CPNE4: variants seen among roughly 807,000 people sequenced by gnomAD.
The protein encoded by CPNE4 is copine-4.
In CPNE4, 25 loss-of-function variants were observed where a neutral mutation model predicts 67.9. That is an observed-to-expected ratio of 0.37 (90% confidence interval 0.27 to 0.51). CPNE4 has a LOEUF of 0.51. Among genes scored for constraint, CPNE4 ranks in the 20% least tolerant of loss-of-function variants. The probability of loss-of-function intolerance (pLI) is 0.93; values close to 1 mark genes in which losing one functional copy is unlikely to be tolerated. For synonymous variants in CPNE4, 242 were observed against 244.9 expected (o/e 0.99, Z 0.11); for missense variants, 464 against 690.8 (o/e 0.67, Z 3.68).
intron 9 of CPNE4, among the ~76,000 whole-genome samples, chr3:131,577,610 C>A (rs1456384684): frequency 6.6e-6 from 1 of 152,002 alleles, no homozygotes; most frequent in African/African-American, 2.4e-5. Context: ...TAATAAATGG[C>A]ACACCTGTAT....
At chr3:131,842,495 C>G (rs1188668241) in intron 2 of CPNE4, among the ~76,000 whole-genome samples, 1 of 152,114 alleles carries the variant, frequency 6.6e-6, no homozygotes, top group African/African-American at 2.4e-5. Flanking sequence ...AGATAACATA[C>G]TGGAAAGAGG....
intron 3 of CPNE4, among the ~76,000 whole-genome samples, chr3:131,718,291 A>T (rs1303398404): frequency 6.6e-6 from 1 of 152,118 alleles, no homozygotes; most frequent in East Asian, 1.9e-4. Flanking sequence ...GGCCAAAGTG[A>T]TCTTTCTAAT....
intron 3 of CPNE4, among the ~76,000 whole-genome samples, chr3:131,708,101 G>A (rs1293521814): frequency 1.3e-5 from 2 of 150,710 alleles, no homozygotes; most frequent in Non-Finnish European, 3.0e-5. Context: ...AGGGGTCCTG[G>A]CTGTGGAAGG....
chr3:131,913,924 G>C (rs533862327), intron 1 of CPNE4, among the ~76,000 whole-genome samples: 1 of 152,306 alleles, frequency 6.6e-6, no homozygotes, highest in East Asian at 1.9e-4. Context: ...GTCTTCAGAG[G>C]AGTATCTGGG....
At chr3:131,581,763 G>A (rs977814935) in intron 8 of CPNE4, 98 bp from the exon 9 acceptor site, 3 of 816,858 alleles carry the variant, frequency 3.7e-6, no homozygotes, top group Non-Finnish European at 4.3e-6. Context: ...AACTGAACTG[G>A]AGGGCTGACA....
At position 131,962,844 on chromosome 3, in the gene CPNE4, C is replaced by T. The variant is rs142493406; in HGVS notation, c.-1-57400G>A. Among the ~76,000 whole-genome samples, 1,218 of 152,190 alleles carry T rather than the reference C, an allele frequency of 8.0e-3. 16 individuals carry two copies. The highest frequency in any genetic ancestry group is 0.027 in the African/African-American group (1,131 of 41,514). On this transcript the variant is annotated intron_variant, in intron 1 of 15. Coordinates refer to ENST00000429747, the MANE Select transcript of CPNE4 (RefSeq NM_130808.3). ...AAAAATGTTGTTCTATATTGCCCTACACCCTGCTTAGAATAATAAATATTT... is the reference window on the plus strand; with the variant it reads ...AAAAATGTTGTTCTATATTGCCCTATACCCTGCTTAGAATAATAAATATTT...
intron 2 of CPNE4, among the ~76,000 whole-genome samples, chr3:131,744,054 T>A (rs970881296): frequency 1.5e-5 from 2 of 135,334 alleles, no homozygotes; most frequent in Admixed American, 7.3e-5. Flanking sequence ...TTTAATATTA[T>A]TTGAAAATTT....
At chr3:131,857,186 T>C (rs1308027840) in intron 2 of CPNE4, among the ~76,000 whole-genome samples, 2 of 152,056 alleles carry the variant, frequency 1.3e-5, no homozygotes, top group Non-Finnish European at 2.9e-5. Context: ...TCTGTGCTAA[T>C]ACTAGTGCAA....
At chr3:131,850,679 C>T (rs532299043) in intron 2 of CPNE4, among the ~76,000 whole-genome samples, 2 of 152,244 alleles carry the variant, frequency 1.3e-5, no homozygotes, top group South Asian at 4.1e-4. Flanking sequence ...AGGGACACAA[C>T]ATCTGTAAGG....
intron 3 of CPNE4, among the ~76,000 whole-genome samples, chr3:131,713,374 T>A (rs528663233): frequency 6.6e-6 from 1 of 152,264 alleles, no homozygotes; most frequent in East Asian, 1.9e-4. Flanking sequence ...CTGAACGACA[T>A]CTATGACTTT....
At chr3:131,787,960 TGA>T (rs1352676981) in intron 2 of CPNE4, among the ~76,000 whole-genome samples, 2 of 152,078 alleles carry the variant, frequency 1.3e-5, no homozygotes, top group African/African-American at 4.8e-5. Context: ...GAGTAATTAT[TGA>T]GAGAAAAAGA....
chr3:131,981,991 C>G (rs745739304), intron 1 of CPNE4, among the ~76,000 whole-genome samples: 1 of 152,118 alleles, frequency 6.6e-6, no homozygotes, highest in Admixed American at 6.5e-5. Context: ...CTCTGGGGAT[C>G]GCTGGTTTGT....
chr3:131,745,068 A>G (rs2082455357), intron 2 of CPNE4, among the ~76,000 whole-genome samples: 1 of 152,312 alleles, frequency 6.6e-6, no homozygotes. Context: ...TGAGTGATTC[A>G]GTTTCTCCAA....
intron 10 of CPNE4, among the ~76,000 whole-genome samples, chr3:131,568,691 G>A (rs1386702994): frequency 6.6e-6 from 1 of 152,000 alleles, no homozygotes; most frequent in Non-Finnish European, 1.5e-5. Flanking sequence ...CCCCCTCCAT[G>A]ACACCAAGTC....
intron 7 of CPNE4, among the ~76,000 whole-genome samples, chr3:131,651,868 G>C (rs1230865158): frequency 2.0e-5 from 3 of 151,994 alleles, no homozygotes; most frequent in African/African-American, 4.8e-5. Context: ...TTTCCTCTCT[G>C]GTTCTCAGTT....
At chr3:131,940,243 T>C (rs1026674880) in intron 1 of CPNE4, among the ~76,000 whole-genome samples, 3 of 152,162 alleles carry the variant, frequency 2.0e-5, no homozygotes, top group African/African-American at 7.2e-5. Flanking sequence ...ACATAATGTA[T>C]GAATCTTCTA....
intron 2 of CPNE4, among the ~76,000 whole-genome samples, chr3:131,850,685 T>C (rs547408219): frequency 2.0e-5 from 3 of 152,266 alleles, no homozygotes; most frequent in Admixed American, 2.0e-4. Context: ...ACAACATCTG[T>C]AAGGCATGGT....
intron 2 of CPNE4, among the ~76,000 whole-genome samples, chr3:131,782,138 T>C (rs959844501): frequency 6.6e-6 from 1 of 152,138 alleles, no homozygotes; most frequent in Non-Finnish European, 1.5e-5. Context: ...CTCTTAAGTA[T>C]CTTCAAAACT....
intron 1 of CPNE4, among the ~76,000 whole-genome samples, chr3:131,978,483 T>A (rs1583551177): frequency 2.9e-5 from 2 of 68,736 alleles, no homozygotes; most frequent in Non-Finnish European, 4.9e-5. Flanking sequence ...TATTTATATA[T>A]ATTTATATAT....
Sources: allele counts gnomAD v4.1 joint callset (sites outside exome capture counted in the v4.1 genomes callset), GRCh38; gene constraint gnomAD v4.1.1; transcripts MANE v1.5; gene names NCBI Gene and HGNC (gene_info 2026-07-23, HGNC 2026-07-21).